Variants in NTNG1 observed in about 807,000 individuals in gnomAD.
NTNG1 encodes netrin-G1.
NTNG1 carries 16 observed loss-of-function variants against 54.0 expected under a neutral mutation model. The observed-to-expected ratio is 0.30, with a 90% CI of 0.20 to 0.45. The LOEUF (loss-of-function observed/expected upper bound fraction) is 0.45, where lower values mean the gene tolerates loss of function less well. Ranked by LOEUF, NTNG1 falls within the 20% of genes least tolerant of loss-of-function variation. The probability of loss-of-function intolerance (pLI) is 1.00; values close to 1 mark genes in which losing one functional copy is unlikely to be tolerated. For synonymous variants in NTNG1, 255 were observed against 263.1 expected (o/e 0.97, Z 0.30); for missense variants, 530 against 678.7 (o/e 0.78, Z 2.43).
At position 107,185,087 on chromosome 1, in the gene NTNG1, G is replaced by C. The variant is rs547676187; in HGVS notation, c.246+36248G>C. ...TTCATGTGGCTTCTCACATGGCCTG[G>C]GCTTCCTCACTGTGTGGTGAACTCA... On this transcript the variant is annotated intron_variant, in intron 2 of 7. Transcript: ENST00000370068. Among the ~76,000 whole-genome samples, 22 of 152,216 alleles carry C rather than the reference G, an allele frequency of 1.4e-4. 1 individual carries two copies. In the South Asian group the frequency reaches 4.6e-3, roughly 32 times the overall value.
chr1:107,472,546 G>A (rs1678050001), intron 7 of NTNG1, among the ~76,000 whole-genome samples: 1 of 152,130 alleles, frequency 6.6e-6, no homozygotes, highest in African/African-American at 2.4e-5. Flanking sequence ...ACGCATGGAT[G>A]AGTGTCACTA....
intron 3 of NTNG1, among the ~76,000 whole-genome samples, chr1:107,377,094 G>A (rs1437434240): frequency 6.6e-6 from 1 of 152,174 alleles, no homozygotes; most frequent in African/African-American, 2.4e-5. Flanking sequence ...GGGGCCAGTT[G>A]AGCTGCTTGT....
intron 2 of NTNG1, among the ~76,000 whole-genome samples, chr1:107,290,253 C>A (rs903133727): frequency 1.1e-4 from 17 of 152,294 alleles, no homozygotes; most frequent in African/African-American, 3.6e-4. Context: ...AATTATCTCA[C>A]AATTCATTGA....
intron 3 of NTNG1, among the ~76,000 whole-genome samples, chr1:107,338,902 G>A (rs1408651079): frequency 6.6e-6 from 1 of 151,686 alleles, no homozygotes; most frequent in African/African-American, 2.4e-5. Flanking sequence ...GATTTTGGAT[G>A]GAAAGTATAT....
intron 4 of NTNG1, 178 bp downstream of exon 4, chr1:107,395,504 A>G (rs747650677): frequency 2.6e-6 from 2 of 758,618 alleles, no homozygotes; most frequent in South Asian, 2.7e-5. Flanking sequence ...CACTCTGATC[A>G]TCAGTAAAAT....
At chr1:107,419,598 G>T (rs1245840579) in intron 5 of NTNG1, among the ~76,000 whole-genome samples, 8 of 145,008 alleles carry the variant, frequency 5.5e-5, no homozygotes, top group African/African-American at 1.0e-4. Context: ...ATATAGTATT[G>T]TATTATTTTG....
intron 6 of NTNG1, among the ~76,000 whole-genome samples, chr1:107,432,565 A>C (rs1382536147): frequency 6.6e-6 from 1 of 152,210 alleles, no homozygotes; most frequent in Non-Finnish European, 1.5e-5. Flanking sequence ...AATGAAAACC[A>C]AAAGACATGT....
intron 2 of NTNG1, among the ~76,000 whole-genome samples, chr1:107,234,284 G>A (rs1419429630): frequency 1.3e-5 from 2 of 151,920 alleles, no homozygotes; most frequent in Non-Finnish European, 2.9e-5. Flanking sequence ...CACCAGGCCC[G>A]GCTAATTTTT....
intron 7 of NTNG1, among the ~76,000 whole-genome samples, chr1:107,444,525 C>G (rs1676189977): frequency 6.6e-6 from 1 of 152,138 alleles, no homozygotes; most frequent in African/African-American, 2.4e-5. Flanking sequence ...ATTCCAGGCA[C>G]CCACTGGCAT....
chr1:107,322,078 A>G (rs966952358), intron 2 of NTNG1, among the ~76,000 whole-genome samples: 1 of 152,156 alleles, frequency 6.6e-6, no homozygotes, highest in African/African-American at 2.4e-5. Flanking sequence ...TAGGCATGAG[A>G]GCCTTTTACA....
intron 2 of NTNG1, among the ~76,000 whole-genome samples, chr1:107,222,766 G>T (rs537750745): frequency 6.6e-6 from 1 of 151,260 alleles, no homozygotes; most frequent in Non-Finnish European, 1.5e-5. Context: ...TTTAACTCAG[G>T]CCTGAGCCTA....
intron 1 of NTNG1, among the ~76,000 whole-genome samples, chr1:107,143,758 A>G (rs1653911103): frequency 2.0e-5 from 3 of 152,108 alleles, no homozygotes; most frequent in Admixed American, 2.0e-4. Context: ...ACTTCCCTGC[A>G]TGAGAATTAA....
intron 7 of NTNG1, 34 bp from the exon 8 acceptor site, chr1:107,480,577 C>CCCCCCCCCCCCCA: frequency 2.1e-6 from 1 of 470,480 alleles, no homozygotes; most frequent in Non-Finnish European, 4.0e-6. Context: ...CCTCCCCGCG[C>CCCCCCCCCCCCCA]CCACCCACCC....
At position 107,184,773 on chromosome 1, in the gene NTNG1, A is replaced by G. The variant is rs144130915; in HGVS notation, c.246+35934A>G. Among the ~76,000 whole-genome samples, 780 of 152,318 alleles carry G rather than the reference A, an allele frequency of 5.1e-3. 4 individuals carry two copies. The highest frequency in any genetic ancestry group is 0.018 in the African/African-American group (737 of 41,582). ...GGCTTTGTGTATGTGTGAAAAGTTT[A>G]TAAGGAACCATCTTAAATCTTTCCA... On this transcript the variant is annotated intron_variant, in intron 2 of 7. Transcript: ENST00000370068.
chr1:107,367,255 T>G (rs1000675957), intron 3 of NTNG1, among the ~76,000 whole-genome samples: 3 of 152,144 alleles, frequency 2.0e-5, no homozygotes, highest in African/African-American at 7.2e-5. Context: ...AGTACAGATC[T>G]TAATGTTTGC....
At chr1:107,262,966 ATC>A (rs1007195616) in intron 2 of NTNG1, among the ~76,000 whole-genome samples, 1 of 152,210 alleles carries the variant, frequency 6.6e-6, no homozygotes, top group Non-Finnish European at 1.5e-5. Flanking sequence ...CCATTAGAGG[ATC>A]TGGTGGTAAA....
At chr1:107,251,023 A>G (rs984963626) in intron 2 of NTNG1, among the ~76,000 whole-genome samples, 2 of 152,236 alleles carry the variant, frequency 1.3e-5, no homozygotes, top group Admixed American at 6.5e-5. Context: ...TCAATCATGC[A>G]AAATAAATTT....
At chr1:107,244,702 CTCTG>C (rs889568667) in intron 2 of NTNG1, among the ~76,000 whole-genome samples, 20 of 152,304 alleles carry the variant, frequency 1.3e-4, no homozygotes, top group East Asian at 3.9e-4. Flanking sequence ...CTCCCTTCTT[CTCTG>C]TCTGTCTGTC....
chr1:107,233,175 G>A (rs1016534968), intron 2 of NTNG1, among the ~76,000 whole-genome samples: 3 of 152,030 alleles, frequency 2.0e-5, no homozygotes, highest in Non-Finnish European at 4.4e-5. Flanking sequence ...TTCAATTTCA[G>A]GTCTATATAA....
Sources: gnomAD v4.1 joint callset for allele counts (sites outside exome capture counted in the v4.1 genomes callset) on GRCh38, gnomAD v4.1.1 for gene constraint, MANE v1.5 for transcripts, NCBI Gene and HGNC (gene_info 2026-07-23, HGNC 2026-07-21) for gene names.